The following SORL1 variants were observed in gnomAD, a reference collection of about 807,000 sequenced individuals.
SORL1 encodes the protein sortilin-related receptor.
In SORL1, 127 loss-of-function variants were observed where a neutral mutation model predicts 273.7. The ratio of observed to expected loss-of-function variants is 0.46; its 90% CI spans 0.40 to 0.54. SORL1 has a LOEUF of 0.54. Among genes scored for constraint, SORL1 ranks in the 20% least tolerant of loss-of-function variants. The pLI, the probability that SORL1 is intolerant of heterozygous loss-of-function variation, is 0.00. For synonymous variants in SORL1, 1,031 were observed against 1,067.4 expected, an observed-to-expected ratio of 0.97 and a Z score of 0.66; for missense variants, 2,494 against 2,846.1, an observed-to-expected ratio of 0.88 and a Z score of 2.81.
chr11:121,492,158 C>T (rs569046928), intron 5 of SORL1, among the ~76,000 whole-genome samples: 7 of 152,128 alleles, frequency 4.6e-5, no homozygotes, highest in African/African-American at 1.4e-4. Flanking sequence ...GTCAGGAGTT[C>T]GAGACCAGCC....
intron 6 of SORL1, among the ~76,000 whole-genome samples, chr11:121,501,064 A>G (rs927389168): frequency 6.6e-6 from 1 of 152,236 alleles, no homozygotes; most frequent in African/African-American, 2.4e-5. Flanking sequence ...AACTGACCCA[A>G]ACCAAACTAC....
At chr11:121,516,470 T>A (rs900444237) in intron 8 of SORL1, among the ~76,000 whole-genome samples, 3 of 152,008 alleles carry the variant, frequency 2.0e-5, no homozygotes, top group Non-Finnish European at 2.9e-5. Context: ...TGGGGGGAGA[T>A]CACCAGCTTG....
At chr11:121,500,539 T>G (rs1306959179) in intron 6 of SORL1, among the ~76,000 whole-genome samples, 1 of 152,220 alleles carries the variant, frequency 6.6e-6, no homozygotes, top group Non-Finnish European at 1.5e-5. Context: ...CTAAGGTTGC[T>G]TTCATGCCCA....
intron 1 of SORL1, among the ~76,000 whole-genome samples, chr11:121,469,563 G>GA (rs1861139551): frequency 1.3e-5 from 2 of 152,314 alleles, no homozygotes; most frequent in East Asian, 1.9e-4. Flanking sequence ...CACCAAGCCA[G>GA]AAAAAACATA....
At chr11:121,593,895 T>G (rs1863253199) in intron 31 of SORL1, among the ~76,000 whole-genome samples, 1 of 152,218 alleles carries the variant, frequency 6.6e-6, no homozygotes, top group Non-Finnish European at 1.5e-5. Context: ...CATGTTTCAG[T>G]AGAGCACGTT....
At chr11:121,508,446 T>G (rs1045843577) in intron 6 of SORL1, among the ~76,000 whole-genome samples, 1 of 152,264 alleles carries the variant, frequency 6.6e-6, no homozygotes, top group African/African-American at 2.4e-5. Flanking sequence ...GATAAGCCTT[T>G]GCTAATTTTT....
intron 27 of SORL1, among the ~76,000 whole-genome samples, chr11:121,587,395 G>A (rs566258773): frequency 5.6e-4 from 85 of 152,314 alleles, no homozygotes; most frequent in Non-Finnish European, 1.0e-3. Flanking sequence ...GTTCAAGTAC[G>A]AAGGTCTTGC....
intron 2 of SORL1, among the ~76,000 whole-genome samples, chr11:121,473,860 A>G (rs1408689261): frequency 6.6e-6 from 1 of 152,036 alleles, no homozygotes; most frequent in African/African-American, 2.4e-5. Flanking sequence ...GTGCCACTGC[A>G]CTCCAGGCTG....
chr11:121,528,754 A>G (rs1296437643), intron 11 of SORL1, among the ~76,000 whole-genome samples: 1 of 152,144 alleles, frequency 6.6e-6, no homozygotes, highest in Non-Finnish European at 1.5e-5. Flanking sequence ...CAGTCCCTTT[A>G]GATTTGTTGA....
rs532627716 is a variant in SORL1 at position 121,621,966 on chromosome 11, T to A, written c.6065-196T>A. On this transcript the variant is annotated intron_variant, in intron 44 of 47. Transcript: ENST00000260197. Reference sequence around the variant, plus strand: ...CCAAATTTCTTGGCTAAAGATGTTATAACAACAATAAAAGAGATGCCAATA... The same window carrying A: ...CCAAATTTCTTGGCTAAAGATGTTAAAACAACAATAAAAGAGATGCCAATA... Among the ~76,000 whole-genome samples the A allele has an allele frequency of 3.9e-5, 6 of 152,342 alleles. No individual in the cohort carries two copies. In the East Asian group the frequency reaches 9.6e-4, roughly 24 times the overall value.
rs1863674826 is a variant in SORL1, at chr11:121,618,706, G to C, written c.5605-68G>C. On this transcript the variant is annotated intron_variant, in intron 41 of 47. Coordinates refer to ENST00000260197, the MANE Select transcript of SORL1 (RefSeq NM_003105.6). The stretch of plus-strand genomic sequence containing the variant: ...GAAGCAGTTCCAGGGTCTTAAATTG[G>C]GGATTTCAAGGAAATGAGATCATCG... The C allele has an allele frequency of 1.9e-6, 3 of 1,595,258 alleles. No individual in the cohort carries two copies. The African/African-American group carries it at 4.0e-5, about 21-fold the overall frequency.
chr11:121,514,464 G>A (rs535635418), intron 8 of SORL1, 143 bp downstream of exon 8: 36 of 774,992 alleles, frequency 4.6e-5, no homozygotes, highest in Middle Eastern at 3.9e-4. Flanking sequence ...GCTCACGTGC[G>A]CAGAGATCAC....
In SORL1 at chr11:121,597,752, G is replaced by A. The variant is rs573430965; in HGVS notation, c.4519+1980G>A. Among the ~76,000 whole-genome samples, 185 of 152,302 alleles carry A rather than the reference G, an allele frequency of 1.2e-3. 2 individuals carry two copies. In the Middle Eastern group the frequency reaches 0.02, roughly 17 times the overall value. On this transcript the variant is annotated intron_variant, in intron 32 of 47. Coordinates refer to ENST00000260197, the MANE Select transcript of SORL1 (RefSeq NM_003105.6). ...TGGGATTACAGGCCTGAGCCACCAC[G>A]CCCGGTGACTGGCAATACAGATTCT...
chr11:121,625,269 T>G lies in SORL1; in HGVS notation c.6356T>G (p.Leu2119Arg). 1 of 1,610,082 alleles carries G rather than the reference T, an allele frequency of 6.2e-7. No individual in the cohort carries two copies. The highest frequency in any genetic ancestry group is 8.5e-7 in the Non-Finnish European group (1 of 1,178,304). Residue 2119 changes from leucine to arginine, a missense_variant, in exon 46 of 48, where the codon CTG becomes CGG. Leu to Arg is a moderately radical substitution (Grantham distance 102, BLOSUM62 -2). Around this residue, in one of 3 missense-constraint regions of SORL1, gnomAD observed 1,609 missense variants for 1,816.4 expected, o/e 0.89. Transcript: ENST00000260197. ...CCTGCCATCCTGCTGTACGATGAGC[T>G]GGGGTCTGGTGAGTTGCGATTGCTG... Reference protein sequence around the residue: ...GEPAILLYDELGSGADASATQ... With the variant: ...GEPAILLYDERGSGADASATQ...
At chr11:121,547,331 G>GT (rs1565331859) in intron 14 of SORL1, among the ~76,000 whole-genome samples, 62 of 97,358 alleles carry the variant, frequency 6.4e-4, no homozygotes, top group East Asian at 1.6e-3. Context: ...AAATCTTTGG[G>GT]GTTTTTTTTT....
rs1591340542 is a variant in SORL1 at position 121,588,005 on chromosome 11, C to T, written c.3815-15C>T. On this transcript the variant is annotated splice_polypyrimidine_tract_variant and intron_variant, in intron 27 of 47. Coordinates refer to ENST00000260197, the MANE Select transcript of SORL1 (RefSeq NM_003105.6). ...CAGTGCTCATGGCCTCTTCCCTTCT[C>T]TGGATCCCTTACAGAGCCCCTCTGT... 6.2e-7 allele frequency: 1 copy of T among 1,612,128 alleles called. No individual in the cohort carries two copies. Among genetic ancestry groups the T allele is most frequent in the Non-Finnish European group, 8.5e-7 (1 of 1,178,848 alleles).
At chr11:121,610,923 G>T in intron 38 of SORL1, 153 bp from the exon 39 acceptor site, 1 of 586,348 alleles carries the variant, frequency 1.7e-6, no homozygotes, top group Non-Finnish European at 3.1e-6. Context: ...GAAAACAGTG[G>T]TAAAAAAAGA....
intron 25 of SORL1, among the ~76,000 whole-genome samples, chr11:121,579,769 T>C (rs748553816): frequency 1.3e-5 from 2 of 152,256 alleles, no homozygotes; most frequent in African/African-American, 2.4e-5. Flanking sequence ...CACTTCTGCA[T>C]AGGCACACAG....
At chr11:121,615,140 T>C in intron 41 of SORL1, 85 bp downstream of exon 41, 1 of 1,198,746 alleles carries the variant, frequency 8.3e-7, no homozygotes, top group Non-Finnish European at 1.1e-6. Context: ...GGCTTTTCTC[T>C]CTTTTGCAAA....
Sources: gnomAD v4.1 joint callset for allele counts (sites outside exome capture counted in the v4.1 genomes callset) on GRCh38, gnomAD v4.1.1 for gene constraint, gnomAD v4.1.1 regional missense constraint, MANE v1.5 for transcripts, NCBI Gene and HGNC (gene_info 2026-07-23, HGNC 2026-07-21) for gene names.